GEMIN5: variants seen among roughly 807,000 people sequenced by gnomAD.
GEMIN5 encodes the protein gem-associated protein 5.
Under a neutral mutation model 176.9 loss-of-function variants are expected in GEMIN5, and 124 were observed. That is an observed-to-expected ratio of 0.70 (90% CI 0.61 to 0.81). GEMIN5 has a LOEUF of 0.81. GEMIN5 is among the 40% of genes least tolerant of loss of function. The pLI is 0.00. For synonymous variants in GEMIN5, 673 were observed against 665.2 expected, an observed-to-expected ratio of 1.01 and a Z score of -0.18; for missense variants, 1,843 against 1,814.6, an observed-to-expected ratio of 1.02 and a Z score of -0.28.
chr5:154,933,349 G>T (rs56187116), intron 3 of GEMIN5, among the ~76,000 whole-genome samples: 8,405 of 152,070 alleles, frequency 0.055, 253 homozygotes, highest in South Asian at 0.066. Flanking sequence ...CACTCATTCT[G>T]TTTGTAATTC....
Position 154,932,095 on chromosome 5 carries a change from C to G in GEMIN5, c.661+4G>C. ...GACTTAACTTTCCCTTAAACCATCT[C>G]TACCTGAAGTTTCCTCTTGGTTTAT... On this transcript the variant is annotated splice_donor_region_variant and intron_variant, in intron 4 of 27. Coordinates refer to ENST00000285873, the MANE Select transcript of GEMIN5 (RefSeq NM_015465.5). 6.2e-7 allele frequency: 1 copy of G among 1,609,914 alleles called. No individual in the cohort carries two copies. The highest frequency in any genetic ancestry group is 1.1e-5 in the South Asian group (1 of 90,620).
At chr5:154,923,559 A>G (rs1173709918) in intron 9 of GEMIN5, among the ~76,000 whole-genome samples, 1 of 152,236 alleles carries the variant, frequency 6.6e-6, no homozygotes, top group African/African-American at 2.4e-5. Flanking sequence ...CAGAATGTAA[A>G]CAAAGGAGTG....
At position 154,917,042 on chromosome 5, in the gene GEMIN5, G is replaced by C. The variant is rs142769106; in HGVS notation, c.1811C>G (p.Ser604Cys). ...PELSYLMASG[S>C]NNAVIYVHNL... ...GTGCACGTAAATGACTGCATTGTTG[G>C]AGCCAGAGGCCATCAGATAGCTCAA... The change falls in exon 13 of 28, where the codon TCC (serine) becomes TGC (cysteine). Residue 604 changes from serine (S) to cysteine (C), a missense_variant. Coordinates refer to ENST00000285873, the MANE Select transcript of GEMIN5 (RefSeq NM_015465.5). 1.2e-6 allele frequency: 2 copies of C among 1,605,028 alleles called. No homozygotes were observed. Among genetic ancestry groups the C allele is most frequent in the South Asian group, 2.2e-5 (2 of 90,208 alleles).
chr5:154,895,767 T>TAA (rs1332427306), intron 24 of GEMIN5, among the ~76,000 whole-genome samples: 1 of 152,108 alleles, frequency 6.6e-6, no homozygotes, highest in African/African-American at 2.4e-5. Flanking sequence ...CGCACGCCTG[T>TAA]AATCACAGCT....
chr5:154,899,396 G>A lies in GEMIN5; in HGVS notation c.3015-86C>T, dbSNP rs895461768. ...GAGGGGCTGTAAGACAGGACAAACT[G>A]TCCCTTTTGTGTTGTCTTATTGTTC... is the stretch of plus-strand genomic sequence containing the variant. On this transcript the variant is annotated intron_variant, in intron 21 of 27. Transcript: ENST00000285873. 13 of 1,139,940 alleles carry A rather than the reference G, an allele frequency of 1.1e-5. No homozygotes were observed. The African/African-American group carries it at 1.7e-4, about 15-fold the overall frequency. The allele number at this position is 1,139,940 out of a possible 1,614,324, so 70.6% of individuals were successfully genotyped here.
In GEMIN5 at chr5:154,917,965, C is replaced by G; in HGVS notation, c.1639G>C (p.Asp547His). 1.2e-6 allele frequency: 2 copies of G among 1,612,972 alleles called. No homozygotes were observed. Among genetic ancestry groups the G allele is most frequent in the Non-Finnish European group, 1.7e-6 (2 of 1,179,076 alleles). ...PVHTEISWKADGKIMALGNED... is the reference protein window; with the variant it reads ...PVHTEISWKAHGKIMALGNED... ...TTGCCAAGAGCCATGATTTTGCCAT[C>G]TGCTTTCCAACTTATCTCTGTGTGT... Residue 547 changes from aspartate (D) to histidine (H), a missense_variant, in exon 12 of 28, where the codon GAT becomes CAT. Physicochemically the swap from Asp to His is moderately conservative, Grantham distance 81 (BLOSUM62 -1). Transcript: ENST00000285873.
chr5:154,898,348 C>A, intron 23 of GEMIN5, 92 bp downstream of exon 23: 1 of 1,154,050 alleles, frequency 8.7e-7, no homozygotes, highest in Non-Finnish European at 1.3e-6. Context: ...ATTGGCACAG[C>A]TTGTGCAACT....
Position 154,889,414 on chromosome 5 carries a change from T to C in GEMIN5, c.4266A>G (p.Lys1422=). The stretch of plus-strand genomic sequence containing the variant: ...GAGAAAGTGGCTCATTTTTTTCTTC[T>C]TTACTAGTGAAAAAAATAAAAGGTG... The part of the protein sequence containing the change: ...QPLCSSQSQC[K]EEKNEPLSLP... The change falls in exon 27 of 28, where the codon AAA becomes AAG. Residue 1422 remains lysine, a synonymous_variant. Coordinates refer to ENST00000285873, the MANE Select transcript of GEMIN5 (RefSeq NM_015465.5). The C allele has an allele frequency of 1.3e-6, 2 of 1,584,768 alleles. No homozygotes were observed. Among genetic ancestry groups the C allele is most frequent in the Non-Finnish European group, 8.7e-7 (1 of 1,154,150 alleles).
Position 154,888,254 on chromosome 5 carries a change from T to C in GEMIN5, c.4483A>G (p.Asn1495Asp). The C allele has an allele frequency of 6.2e-7, 1 of 1,614,208 alleles. No homozygotes were observed. ...QAQELLQKYG[N>D]TKTYRRHCQT... ...CAGTGTCTTCTGTAAGTTTTCGTGT[T>C]GCCGTATTTCTGAAGGAGCTCTTGG... Residue 1495 changes from asparagine to aspartate, a missense_variant, in exon 28 of 28, where the codon AAC (asparagine) becomes GAC (aspartate). Asn to Asp is a conservative substitution (Grantham distance 23). Coordinates refer to ENST00000285873, the MANE Select transcript of GEMIN5 (RefSeq NM_015465.5).
Position 154,899,266 on chromosome 5 carries a change from G to A in GEMIN5, c.3059C>T (p.Pro1020Leu). 6.2e-7 allele frequency: 1 copy of A among 1,612,432 alleles called. No individual in the cohort carries two copies. Among genetic ancestry groups the A allele is most frequent in the Non-Finnish European group, 8.5e-7 (1 of 1,178,980 alleles). ...GCTGAGGTACAAGTCCTTCAGGACT[G>A]GGTCCTCCGGGCGCAGCCGGGCCTT... ...IAKARLRPED[P>L]VLKDLYLSWG... Residue 1020 changes from proline to leucine, a missense_variant, in exon 22 of 28, where the codon CCA becomes CTA. Coordinates refer to ENST00000285873, the MANE Select transcript of GEMIN5 (RefSeq NM_015465.5).
In GEMIN5 at chr5:154,937,068, T is replaced by G. The variant is rs1463344214; in HGVS notation, c.284A>C (p.Asp95Ala). 1.2e-6 allele frequency: 2 copies of G among 1,613,874 alleles called. No individual in the cohort carries two copies. Among genetic ancestry groups the G allele is most frequent in the Admixed American group, 1.7e-5 (1 of 59,998 alleles). The stretch of plus-strand genomic sequence containing the variant: ...TGTCACAACTGTTTTTGTCTCTACA[T>G]CCCATATTTTCACAGTCCCATCGTC... ...SSDDGTVKIW[D>A]VETKTVVTEH... The change falls in exon 2 of 28, where the codon GAT becomes GCT. Residue 95 changes from aspartate (D) to alanine (A), a missense_variant. Coordinates refer to ENST00000285873, the MANE Select transcript of GEMIN5 (RefSeq NM_015465.5).
rs766871112 is a variant in GEMIN5, at chr5:154,928,705, T to C, written c.782-46A>G. On this transcript the variant is annotated intron_variant, in intron 5 of 27. Coordinates refer to ENST00000285873, the MANE Select transcript of GEMIN5 (RefSeq NM_015465.5). Reference sequence around the variant, plus strand: ...CAGTGGGCACTCAAGACAGTGAAACTACATGCATGAAGTCACCGGTGGTTC... The same window carrying C: ...CAGTGGGCACTCAAGACAGTGAAACCACATGCATGAAGTCACCGGTGGTTC... 4.0e-5 allele frequency: 63 copies of C among 1,590,130 alleles called. 1 individual carries two copies. In the South Asian group the frequency reaches 6.0e-4, roughly 15 times the overall value.
intron 13 of GEMIN5, among the ~76,000 whole-genome samples, chr5:154,915,406 T>A (rs1763789832): frequency 6.6e-6 from 1 of 152,206 alleles, no homozygotes; most frequent in African/African-American, 2.4e-5. Flanking sequence ...TAATCCCACT[T>A]CACTCATATT....
At chr5:154,893,783 G>A (rs368945383) in intron 24 of GEMIN5, among the ~76,000 whole-genome samples, 8 of 151,958 alleles carry the variant, frequency 5.3e-5, no homozygotes, top group South Asian at 4.2e-4. Flanking sequence ...TTGCTCTGTC[G>A]CCCAGGCTGG....
In GEMIN5 at chr5:154,917,194, A is replaced by C; in HGVS notation, c.1674-15T>G. 2 of 1,398,056 alleles carry C rather than the reference A, an allele frequency of 1.4e-6. No individual in the cohort carries two copies. Among genetic ancestry groups the C allele is most frequent in the Non-Finnish European group, 1.9e-6 (2 of 1,037,588 alleles). 86.6% of individuals were successfully genotyped at this position (1,398,056 alleles called of 1,614,324 possible). A position where few individuals can be genotyped will look rare whatever the true frequency, so the allele number is the denominator to read the frequency against. On this transcript the variant is annotated splice_polypyrimidine_tract_variant and intron_variant, in intron 12 of 27. Transcript: ENST00000285873. The stretch of plus-strand genomic sequence containing the variant: ...TTTCTATTGATCTGGAATAAGAAAC[A>C]CATCAAAACAAGAAAGATGGATGAT...
intron 13 of GEMIN5, 121 bp downstream of exon 13, chr5:154,916,874 AAAG>A (rs1332792184): frequency 1.6e-5 from 8 of 489,132 alleles, no homozygotes; most frequent in Non-Finnish European, 2.8e-5. Context: ...TGAAACAGAA[AAAG>A]TAGTAAGAAT....
Position 154,888,985 on chromosome 5 carries a change from T to A in GEMIN5, c.4359+336A>T, listed in dbSNP as rs558454855. Among the ~76,000 whole-genome samples, 5 of 152,194 alleles carry A rather than the reference T, an allele frequency of 3.3e-5. No homozygotes were observed. In the East Asian group the frequency reaches 9.7e-4, roughly 29 times the overall value. On this transcript the variant is annotated intron_variant, in intron 27 of 27. Coordinates refer to ENST00000285873, the MANE Select transcript of GEMIN5 (RefSeq NM_015465.5). The stretch of plus-strand genomic sequence containing the variant: ...CCATTCTCCTGCCTCCATGCTATTC[T>A]CCTGCCTCAGCCTCCCGAGTAACTG...
At chr5:154,911,637 T>C (rs1763701241) in intron 15 of GEMIN5, 90 bp downstream of exon 15, 2 of 1,144,114 alleles carry the variant, frequency 1.7e-6, no homozygotes, top group Admixed American at 2.0e-5. Flanking sequence ...ACTAATGCCC[T>C]ACACGAATGT....
In GEMIN5 at chr5:154,915,735, C is replaced by A. The variant is rs150401997; in HGVS notation, c.1855+1263G>T. Among the ~76,000 whole-genome samples, 115 of 152,230 alleles carry A rather than the reference C, an allele frequency of 7.6e-4. 1 individual carries two copies. The highest frequency in any genetic ancestry group is 2.6e-3 in the African/African-American group (108 of 41,540). On this transcript the variant is annotated intron_variant, in intron 13 of 27. Transcript: ENST00000285873. ...TGTGAGAATCAGATGCAATCAAACA[C>A]GGGAATGAGGTATGTGTCCTCTGTT...
Sources: gnomAD v4.1 joint callset for allele counts (sites outside exome capture counted in the v4.1 genomes callset) on GRCh38, gnomAD v4.1.1 for gene constraint, MANE v1.5 for transcripts, NCBI Gene and HGNC (gene_info 2026-07-23, HGNC 2026-07-21) for gene names.